AIG1: variants seen among roughly 807,000 people sequenced by gnomAD.
AIG1 encodes androgen-induced gene 1 protein.
Under a neutral mutation model 31.4 loss-of-function variants are expected in AIG1, and 23 were observed. The observed-to-expected ratio is 0.73, with a 90% CI of 0.53 to 1.04. The LOEUF (loss-of-function observed/expected upper bound fraction) is 1.04, where lower values mean the gene tolerates loss of function less well. Among genes scored for constraint, AIG1 ranks in the 50% least tolerant of loss-of-function variants. AIG1 has a pLI of 0.00. For missense variants in AIG1, 274 were observed against 295.0 expected, an observed-to-expected ratio of 0.93 and a Z score of 0.52; for synonymous variants, 100 against 110.5, an observed-to-expected ratio of 0.90 and a Z score of 0.60.
chr6:143,281,978 T>C (rs1797369126), intron 3 of AIG1, among the ~76,000 whole-genome samples: 1 of 152,230 alleles, frequency 6.6e-6, no homozygotes, highest in Non-Finnish European at 1.5e-5. Flanking sequence ...AAATTGATTT[T>C]CTTCCTGGAA....
At chr6:143,232,154 G>A (rs985686892) in intron 3 of AIG1, among the ~76,000 whole-genome samples, 4 of 152,184 alleles carry the variant, frequency 2.6e-5, no homozygotes, top group South Asian at 2.1e-4. Flanking sequence ...GAAAGTTGGA[G>A]GTATTTCTCA....
At chr6:143,276,411 T>A (rs1220289235) in intron 3 of AIG1, among the ~76,000 whole-genome samples, 3 of 152,186 alleles carry the variant, frequency 2.0e-5, no homozygotes, top group Non-Finnish European at 2.9e-5. Context: ...TCACCTTGGG[T>A]CACTGTTTCT....
At chr6:143,282,174 A>G (rs528291474) in intron 3 of AIG1, among the ~76,000 whole-genome samples, 1 of 152,204 alleles carries the variant, frequency 6.6e-6, no homozygotes, top group Non-Finnish European at 1.5e-5. Context: ...AGGATTTTCT[A>G]CTTCATTTGG....
chr6:143,182,784 C>A (rs1788854322), intron 3 of AIG1, among the ~76,000 whole-genome samples: 1 of 152,192 alleles, frequency 6.6e-6, no homozygotes, highest in South Asian at 2.1e-4. Flanking sequence ...ACAAAATGGA[C>A]AATGAATATT....
chr6:143,207,416 T>C (rs940657038), intron 3 of AIG1, among the ~76,000 whole-genome samples: 1 of 152,118 alleles, frequency 6.6e-6, no homozygotes, highest in Non-Finnish European at 1.5e-5. Context: ...AGCAGCAAGC[T>C]AAGACTTTGT....
chr6:143,187,055 A>G (rs1380730996), intron 3 of AIG1, among the ~76,000 whole-genome samples: 1 of 152,220 alleles, frequency 6.6e-6, no homozygotes, highest in Non-Finnish European at 1.5e-5. Context: ...AATAACTAGC[A>G]AGTTAGTGTC....
chr6:143,215,434 C>CA (rs1791956194), intron 3 of AIG1, among the ~76,000 whole-genome samples: 2 of 151,996 alleles, frequency 1.3e-5, no homozygotes, highest in African/African-American at 4.8e-5. Context: ...AACACACAAA[C>CA]AAAAAACAGT....
chr6:143,298,871 A>G lies in AIG1; in HGVS notation c.515+14646A>G, dbSNP rs1385245139. On this transcript the variant is annotated intron_variant, in intron 4 of 5. Transcript: ENST00000357847. The surrounding 1 kb of genome is among the most constrained non-coding windows in gnomAD (Gnocchi z 5.1). ...AGCCACAGTATGTGCACTCAGAAGA[A>G]GGGAAATCTTAATTTTTATTGTGTT... is the stretch of plus-strand genomic sequence containing the variant. The G allele has an allele frequency of 6.6e-6, 1 of 152,254 alleles. No homozygotes were observed. The highest frequency in any genetic ancestry group is 2.4e-5 in the African/African-American group (1 of 41,444). The allele number at this position is 152,254 out of a possible 1,614,324, so 9.4% of individuals were successfully genotyped here. A position where few individuals can be genotyped will look rare whatever the true frequency, so the allele number is the denominator to read the frequency against.
At chr6:143,100,736 A>G (rs190426062) in intron 1 of AIG1, among the ~76,000 whole-genome samples, 50 of 151,610 alleles carry the variant, frequency 3.3e-4, no homozygotes, top group Admixed American at 9.8e-4. Context: ...CCCAGGCTAG[A>G]GTGCAGTGGT....
At chr6:143,151,534 C>A (rs1785222208) in intron 2 of AIG1, among the ~76,000 whole-genome samples, 1 of 152,132 alleles carries the variant, frequency 6.6e-6, no homozygotes, top group East Asian at 1.9e-4. Context: ...TCTCCTAGCC[C>A]CATAGCAATT....
chr6:143,266,115 C>G (rs922001117), intron 3 of AIG1, among the ~76,000 whole-genome samples: 1 of 152,072 alleles, frequency 6.6e-6, no homozygotes, highest in Non-Finnish European at 1.5e-5. Flanking sequence ...TGTGGGAGGC[C>G]GAGGCAGGTG....
intron 3 of AIG1, among the ~76,000 whole-genome samples, chr6:143,252,049 C>T (rs1291048787): frequency 1.3e-5 from 2 of 152,298 alleles, no homozygotes; most frequent in East Asian, 3.9e-4. Context: ...ATGTGAGTAC[C>T]ATCCATTCTG....
chr6:143,218,431 AT>A (rs1792201318), intron 3 of AIG1, among the ~76,000 whole-genome samples: 1 of 152,220 alleles, frequency 6.6e-6, no homozygotes, highest in Non-Finnish European at 1.5e-5. Context: ...CAAAAATAGA[AT>A]AAAATATCAT....
In AIG1 at chr6:143,288,422, T is replaced by C. The variant is rs1039792254; in HGVS notation, c.515+4197T>C. 3.4e-5 allele frequency among the ~76,000 whole-genome samples: 5 copies of C among 148,266 alleles called. No homozygotes were observed. The highest frequency in any genetic ancestry group is 7.5e-5 in the Non-Finnish European group (5 of 66,386). ...CAACCCAGGACACATCAAGAGCAAG[T>C]AGGCCTTAGTGAAGGGGACAAAATG... On this transcript the variant is annotated intron_variant, in intron 4 of 5. Coordinates refer to ENST00000357847, the MANE Select transcript of AIG1 (RefSeq NM_016108.4). This position sits in a 1 kb window ranked among gnomAD's most constrained non-coding sequence, Gnocchi z 4.4.
At chr6:143,308,733 T>C (rs1249566712) in intron 4 of AIG1, among the ~76,000 whole-genome samples, 1 of 152,216 alleles carries the variant, frequency 6.6e-6, no homozygotes, top group Non-Finnish European at 1.5e-5. Flanking sequence ...AAGCTCTAAC[T>C]CTTAATTTAA....
At chr6:143,323,176 G>A (rs969549152) in intron 4 of AIG1, among the ~76,000 whole-genome samples, 2 of 152,150 alleles carry the variant, frequency 1.3e-5, no homozygotes, top group South Asian at 2.1e-4. Flanking sequence ...TCATAACTAC[G>A]TAGGCGGGAC....
intron 3 of AIG1, among the ~76,000 whole-genome samples, chr6:143,220,689 G>A (rs1198070819): frequency 6.6e-6 from 1 of 152,146 alleles, no homozygotes; most frequent in Non-Finnish European, 1.5e-5. Context: ...ATAAGATAAT[G>A]ATTACAATGA....
chr6:143,336,630 A>T (rs567250073), intron 5 of AIG1, among the ~76,000 whole-genome samples: 5 of 152,250 alleles, frequency 3.3e-5, no homozygotes, highest in African/African-American at 1.2e-4. Flanking sequence ...AGTTCAGCTC[A>T]TAATACTTCA....
At position 143,263,545 on chromosome 6, in the gene AIG1, T is replaced by A. The variant is rs193229001; in HGVS notation, c.400-20565T>A. Among the ~76,000 whole-genome samples the A allele has an allele frequency of 5.0e-3, 764 of 152,198 alleles. 3 individuals are homozygous for A. The highest frequency in any genetic ancestry group is 8.5e-3 in the Non-Finnish European group (581 of 67,986). On this transcript the variant is annotated intron_variant, in intron 3 of 5. Coordinates refer to ENST00000357847, the MANE Select transcript of AIG1 (RefSeq NM_016108.4). ...TTAATAACAAGGTAATACCCACAAA[T>A]TAAAGAACATTCTAAAAAATATAAA...
Sources: allele counts gnomAD v4.1 joint callset (sites outside exome capture counted in the v4.1 genomes callset), GRCh38; gene constraint gnomAD v4.1.1; non-coding constraint Gnocchi (gnomAD v3.1); transcripts MANE v1.5; gene names NCBI Gene and HGNC (gene_info 2026-07-23, HGNC 2026-07-21).